IL26: variants seen among roughly 807,000 people sequenced by gnomAD.
IL26 encodes the protein interleukin-26.
Under a neutral mutation model 21.7 loss-of-function variants are expected in IL26, and 23 were observed. The ratio of observed to expected loss-of-function variants is 1.06; its 90% confidence interval spans 0.76 to 1.50. The LOEUF (loss-of-function observed/expected upper bound fraction) is 1.50. Among genes scored for constraint, IL26 ranks in the 40% most tolerant of loss-of-function variants. The probability of loss-of-function intolerance (pLI) is 0.00; values close to 1 mark genes in which losing one functional copy is unlikely to be tolerated. For synonymous variants in IL26, 63 were observed against 67.8 expected (o/e 0.93, Z 0.34); for missense variants, 204 against 196.0 (o/e 1.04, Z -0.24).
At position 68,225,765 on chromosome 12, in the gene IL26, A is replaced by G. The variant is rs1869229399; in HGVS notation, c.-9T>C. ...ATGAAATTCACCAGCATTTCCCTTCACCCCACTCAGCGTGTGTCACTCACA... is the reference window on the plus strand; with the variant it reads ...ATGAAATTCACCAGCATTTCCCTTCGCCCCACTCAGCGTGTGTCACTCACA... On this transcript the variant is annotated 5_prime_UTR_variant, in exon 1 of 5. Transcript: ENST00000229134. The G allele has an allele frequency of 6.2e-7, 1 of 1,613,050 alleles. No individual in the cohort carries two copies. The highest frequency in any genetic ancestry group is 1.1e-5 in the South Asian group (1 of 90,914).
intron 3 of IL26, among the ~76,000 whole-genome samples, chr12:68,223,964 C>T (rs1345598625): frequency 7.1e-6 from 1 of 141,078 alleles, no homozygotes; most frequent in Non-Finnish European, 1.5e-5. Flanking sequence ...CTCATGTACT[C>T]TGGGCTGAAA....
chr12:68,207,439 C>A (rs1868574881), intron 3 of IL26, among the ~76,000 whole-genome samples: 1 of 152,190 alleles, frequency 6.6e-6, no homozygotes, highest in African/African-American at 2.4e-5. Context: ...ACTACAGTGA[C>A]AAACTGCTCA....
In IL26 at chr12:68,216,685, G is replaced by T. The variant is rs11571015; in HGVS notation, c.363+8464C>A. Among the ~76,000 whole-genome samples, 702 of 152,278 alleles carry T rather than the reference G, an allele frequency of 4.6e-3. 5 individuals are homozygous for T. The highest frequency in any genetic ancestry group is 0.039 in the South Asian group (189 of 4,828). ...ATGGTATTATTTTACAAGTTGATAA[G>T]CTATTTGCAATTGATGATACAAGTT... On this transcript the variant is annotated intron_variant, in intron 3 of 4. Transcript: ENST00000229134.
intron 3 of IL26, 134 bp downstream of exon 3, chr12:68,225,015 C>A (rs1869197011): frequency 1.3e-6 from 1 of 745,096 alleles, no homozygotes; most frequent in Non-Finnish European, 2.1e-6. Context: ...TGGTGATGAC[C>A]TCTCCATTTG....
At chr12:68,211,926 G>A (rs1218651621) in intron 3 of IL26, among the ~76,000 whole-genome samples, 3 of 149,690 alleles carry the variant, frequency 2.0e-5, no homozygotes, top group African/African-American at 7.4e-5. Context: ...CTGTACTTTC[G>A]AGGACTTACT....
At chr12:68,223,802 A>T (rs572689512) in intron 3 of IL26, among the ~76,000 whole-genome samples, 1 of 152,072 alleles carries the variant, frequency 6.6e-6, no homozygotes, top group Non-Finnish European at 1.5e-5. Context: ...ATGAGAGTTT[A>T]TAAAAAAACA....
At chr12:68,212,367 G>T (rs1245951440) in intron 3 of IL26, among the ~76,000 whole-genome samples, 1 of 151,898 alleles carries the variant, frequency 6.6e-6, no homozygotes, top group Non-Finnish European at 1.5e-5. Context: ...CTTTTGGGGG[G>T]TCTTTTGTGG....
intron 3 of IL26, among the ~76,000 whole-genome samples, chr12:68,205,680 G>GT (rs1555188707): frequency 6.6e-6 from 1 of 151,132 alleles, no homozygotes; most frequent in Non-Finnish European, 1.5e-5. Flanking sequence ...GGCACTTGGT[G>GT]TAACTTTAAG....
At chr12:68,219,001 T>C (rs371043606) in intron 3 of IL26, among the ~76,000 whole-genome samples, 2 of 151,876 alleles carry the variant, frequency 1.3e-5, no homozygotes, top group African/African-American at 4.8e-5. Flanking sequence ...CAAGAGAATA[T>C]AACAATCATA....
At chr12:68,212,411 T>C (rs1868759469) in intron 3 of IL26, among the ~76,000 whole-genome samples, 1 of 152,162 alleles carries the variant, frequency 6.6e-6, no homozygotes, top group African/African-American at 2.4e-5. Context: ...ACCATGTTTT[T>C]CTATTTCTGT....
chr12:68,205,514 T>C (rs1868515074), intron 3 of IL26, among the ~76,000 whole-genome samples: 1 of 152,164 alleles, frequency 6.6e-6, no homozygotes, highest in South Asian at 2.1e-4. Flanking sequence ...TTACTAATCA[T>C]TAAGTGGAAG....
chr12:68,225,528 G>T, intron 1 of IL26, 28 bp from the exon 2 acceptor site: 1 of 1,599,532 alleles, frequency 6.3e-7, no homozygotes, highest in Non-Finnish European at 8.6e-7. Context: ...GAAATAAGTT[G>T]TATCCAAGAT....
chr12:68,218,707 A>G (rs929033371), intron 3 of IL26, among the ~76,000 whole-genome samples: 1 of 152,150 alleles, frequency 6.6e-6, no homozygotes, highest in East Asian at 1.9e-4. Context: ...AAAACTATAT[A>G]CTCACAAATA....
chr12:68,211,047 T>C (rs1202649166), intron 3 of IL26, among the ~76,000 whole-genome samples: 2 of 152,214 alleles, frequency 1.3e-5, no homozygotes, highest in African/African-American at 4.8e-5. Context: ...CCTCCCACTG[T>C]ATTTTTGAGC....
At chr12:68,205,397 AT>A (rs1868511173) in intron 3 of IL26, among the ~76,000 whole-genome samples, 1 of 151,830 alleles carries the variant, frequency 6.6e-6, no homozygotes, top group African/African-American at 2.4e-5. Flanking sequence ...TGATTAATCA[AT>A]TAACACATAT....
At chr12:68,215,982 C>T (rs1487608120) in intron 3 of IL26, among the ~76,000 whole-genome samples, 5 of 150,572 alleles carry the variant, frequency 3.3e-5, no homozygotes, top group African/African-American at 1.2e-4. Flanking sequence ...CCATGCTCAG[C>T]CTATTTATCT....
chr12:68,208,863 C>T (rs1868622469), intron 3 of IL26, among the ~76,000 whole-genome samples: 1 of 152,138 alleles, frequency 6.6e-6, no homozygotes. Context: ...GAGTCCCCTG[C>T]ATCTGGAATA....
intron 3 of IL26, among the ~76,000 whole-genome samples, chr12:68,219,332 G>A (rs1318906085): frequency 6.6e-6 from 1 of 151,834 alleles, no homozygotes; most frequent in African/African-American, 2.4e-5. Flanking sequence ...TACAAAGTAT[G>A]GTCTCTGGCC....
chr12:68,203,764 T>G lies in IL26; in HGVS notation c.364-1681A>C, dbSNP rs141062151. On this transcript the variant is annotated intron_variant, in intron 3 of 4. Coordinates refer to ENST00000229134, the MANE Select transcript of IL26 (RefSeq NM_018402.2). ...CCCAAATTGGGATGCTACCTTCAGA[T>G]CAGACCCTGCATAGGAGGGAAGAGA... Among the ~76,000 whole-genome samples, 35 of 152,214 alleles carry G rather than the reference T, an allele frequency of 2.3e-4. No individual in the cohort carries two copies. The East Asian group carries it at 5.8e-3, about 25-fold the overall frequency.
Sources: gnomAD v4.1 joint callset for allele counts (sites outside exome capture counted in the v4.1 genomes callset) on GRCh38, gnomAD v4.1.1 for gene constraint, MANE v1.5 for transcripts, NCBI Gene and HGNC (gene_info 2026-07-23, HGNC 2026-07-21) for gene names.